SLC14A2: variants seen among roughly 807,000 people sequenced by gnomAD.
The protein encoded by SLC14A2 is urea transporter 2.
In SLC14A2, 91 loss-of-function variants were observed where a neutral mutation model predicts 104.6. The observed-to-expected ratio is 0.87, with a 90% CI of 0.73 to 1.04. SLC14A2 has a LOEUF of 1.04. SLC14A2 is among the 50% of genes least tolerant of loss of function. SLC14A2 has a pLI of 0.00. For missense variants in SLC14A2, 1,189 were observed against 1,156.0 expected (o/e 1.03, Z -0.41); for synonymous variants, 476 against 466.4 (o/e 1.02, Z -0.27).
intron 1 of SLC14A2, among the ~76,000 whole-genome samples, chr18:45,298,680 C>A (rs1011099480): frequency 2.0e-5 from 3 of 152,086 alleles, no homozygotes; most frequent in African/African-American, 7.2e-5. Flanking sequence ...ATATTAATAT[C>A]ATTCTAATTA....
intron 1 of SLC14A2, among the ~76,000 whole-genome samples, chr18:45,474,412 C>A (rs1254168998): frequency 2.6e-5 from 4 of 152,128 alleles, no homozygotes; most frequent in Non-Finnish European, 1.5e-5. Context: ...AGGGAGGGGT[C>A]CCTCTTTTCC....
intron 2 of SLC14A2, among the ~76,000 whole-genome samples, chr18:45,556,096 A>G (rs1352885900): frequency 1.3e-5 from 2 of 152,122 alleles, no homozygotes; most frequent in Non-Finnish European, 2.9e-5. Flanking sequence ...TGGGTTGCAG[A>G]CTGCCATTTT....
chr18:45,207,792 AT>A, the SLC14A2 span, among the ~76,000 whole-genome samples: 13 of 145,664 alleles, frequency 8.9e-5, no homozygotes, highest in South Asian at 2.1e-4. Context: ...CTAGTATTGC[AT>A]TTTTTTTAAA....
intron 1 of SLC14A2, among the ~76,000 whole-genome samples, chr18:45,278,257 C>T (rs2084724212): frequency 2.0e-5 from 3 of 152,040 alleles, no homozygotes; most frequent in African/African-American, 7.3e-5. Flanking sequence ...TATAAGATTC[C>T]CTGTTAAGAC....
intron 2 of SLC14A2, among the ~76,000 whole-genome samples, chr18:45,537,053 CCCTCCCTCCCTCCCTTCCTT>C (rs1393515618): frequency 8.7e-6 from 1 of 115,098 alleles, no homozygotes; most frequent in East Asian, 3.4e-4. Context: ...CTCCCTCCCT[CCCTCCCTCCCTCCCTTCCTT>C]CCTTCCTTCC....
At chr18:45,614,253 C>T (rs757472817), upstream of SLC14A2, among the ~76,000 whole-genome samples, 2 of 152,212 alleles carry the variant, frequency 1.3e-5, no homozygotes, top group Non-Finnish European at 2.9e-5. Context: ...TTGGGAACCT[C>T]CACTTAGATT....
intron 1 of SLC14A2, among the ~76,000 whole-genome samples, chr18:45,448,410 T>C (rs966489132): frequency 2.0e-5 from 3 of 152,206 alleles, no homozygotes; most frequent in African/African-American, 7.2e-5. Context: ...CTGGGAGAGC[T>C]CTAGGTAAAC....
At chr18:45,230,020 T>C (rs757741588) in intron 1 of SLC14A2, among the ~76,000 whole-genome samples, 1 of 152,200 alleles carries the variant, frequency 6.6e-6, no homozygotes, top group East Asian at 1.9e-4. Context: ...CATTACATAA[T>C]TTATTTGTAT....
At chr18:45,337,291 T>G (rs2085346964) in intron 1 of SLC14A2, among the ~76,000 whole-genome samples, 1 of 152,142 alleles carries the variant, frequency 6.6e-6, no homozygotes, top group African/African-American at 2.4e-5. Context: ...GATTATTTAG[T>G]TATGGTTTGT....
chr18:45,421,952 G>A (rs1265413402), intron 1 of SLC14A2, among the ~76,000 whole-genome samples: 1 of 152,198 alleles, frequency 6.6e-6, no homozygotes, highest in Non-Finnish European at 1.5e-5. Context: ...GACTTGAATA[G>A]AATATGACAC....
intron 10 of SLC14A2, among the ~76,000 whole-genome samples, chr18:45,656,901 T>C (rs1453946276): frequency 6.6e-6 from 1 of 152,190 alleles, no homozygotes; most frequent in African/African-American, 2.4e-5. Flanking sequence ...CTCGCTTCTT[T>C]CAAGGTAACA....
chr18:45,526,604 G>T, intron 2 of SLC14A2, among the ~76,000 whole-genome samples: 1 of 152,256 alleles, frequency 6.6e-6, no homozygotes, highest in East Asian at 1.9e-4. Context: ...AAGTGATTTT[G>T]GAGTGAACTT....
chr18:45,441,324 C>A (rs573482094), intron 1 of SLC14A2, among the ~76,000 whole-genome samples: 62 of 152,296 alleles, frequency 4.1e-4, no homozygotes, highest in African/African-American at 1.5e-3. Flanking sequence ...GCATGATATT[C>A]AAATGATTTG....
At chr18:45,178,157 A>G in the SLC14A2 span, among the ~76,000 whole-genome samples, 3 of 152,182 alleles carry the variant, frequency 2.0e-5, no homozygotes, top group Admixed American at 2.0e-4. Context: ...TATTATTAGA[A>G]TCCATAAACA....
At chr18:45,615,815 GTA>G (rs1164499653) in intron 1 of SLC14A2, among the ~76,000 whole-genome samples, 4 of 138,442 alleles carry the variant, frequency 2.9e-5, no homozygotes, top group Non-Finnish European at 6.3e-5. Context: ...GTGTAGGGGT[GTA>G]TGTGTGTGTG....
At chr18:45,351,987 A>G (rs1229588100) in intron 1 of SLC14A2, among the ~76,000 whole-genome samples, 3 of 152,208 alleles carry the variant, frequency 2.0e-5, no homozygotes, top group African/African-American at 4.8e-5. Flanking sequence ...AGGTCAATGT[A>G]AAGAAAACGT....
intron 1 of SLC14A2, among the ~76,000 whole-genome samples, chr18:45,399,119 A>G (rs982975344): frequency 1.3e-5 from 2 of 152,238 alleles, no homozygotes; most frequent in Non-Finnish European, 1.5e-5. Flanking sequence ...CAATATTGAG[A>G]TGAGAACACT....
intron 2 of SLC14A2, among the ~76,000 whole-genome samples, chr18:45,553,655 C>G (rs1015379587): frequency 6.6e-6 from 1 of 152,110 alleles, no homozygotes; most frequent in Non-Finnish European, 1.5e-5. Context: ...ATGAGTTATT[C>G]CTCCCAAATA....
At chr18:45,625,242 A>G (rs1475284296) in intron 2 of SLC14A2, among the ~76,000 whole-genome samples, 1 of 152,182 alleles carries the variant, frequency 6.6e-6, no homozygotes, top group Non-Finnish European at 1.5e-5. Flanking sequence ...CTGACTTGCG[A>G]TGAGGAGGTC....
Sources: gnomAD v4.1 joint callset for allele counts (sites outside exome capture counted in the v4.1 genomes callset) on GRCh38, gnomAD v4.1.1 for gene constraint, MANE v1.5 for transcripts, NCBI Gene and HGNC (gene_info 2026-07-23, HGNC 2026-07-21) for gene names.